SYT14: variants seen among roughly 807,000 people sequenced by gnomAD.
SYT14 encodes the protein synaptotagmin 14, also known as synaptotagmin-14.
In SYT14, 32 loss-of-function variants were observed where a neutral mutation model predicts 74.2. The observed-to-expected ratio is 0.43, with a 90% CI of 0.33 to 0.58. The LOEUF is 0.58. SYT14 is among the 20% of genes least tolerant of loss of function. SYT14 has a pLI of 0.05. For synonymous variants in SYT14, 298 were observed against 337.7 expected (o/e 0.88, Z 1.29); for missense variants, 791 against 981.8 (o/e 0.81, Z 2.60).
At chr1:210,118,807 G>A (rs1218095488) in intron 7 of SYT14, among the ~76,000 whole-genome samples, 1 of 152,160 alleles carries the variant, frequency 6.6e-6, no homozygotes, top group Non-Finnish European at 1.5e-5. Flanking sequence ...GTGGATGGAT[G>A]ATAATTAAAT....
rs578010741 is a variant in SYT14 at position 209,996,685 on chromosome 1, A to G, written c.-485-16948A>G. On this transcript the variant is annotated intron_variant, in intron 2 of 9. Transcript: ENST00000637265. The stretch of plus-strand genomic sequence containing the variant: ...AAAACTTCAGGCCAGTATCCTGAAC[A>G]TATTGATGAACATAGACACGAAAAT... 3.3e-5 allele frequency among the ~76,000 whole-genome samples: 5 copies of G among 152,040 alleles called. 1 individual carries two copies. The highest frequency in any genetic ancestry group is 2.0e-4 in the Admixed American group (3 of 15,254).
intron 2 of SYT14, among the ~76,000 whole-genome samples, chr1:209,982,311 G>A (rs981714653): frequency 6.6e-6 from 1 of 152,042 alleles, no homozygotes; most frequent in African/African-American, 2.4e-5. Context: ...ATGTGCCACC[G>A]TGGCTGGCTT....
exon 4 of SYT14, chr1:210,016,026 A>G (rs2080175619): frequency 8.1e-7 from 1 of 1,232,096 alleles, no homozygotes; most frequent in Non-Finnish European, 1.0e-6. Flanking sequence ...AGAAATTTCC[A>G]ACAGAATCTG....
chr1:209,986,408 A>G (rs1479697219), intron 2 of SYT14, among the ~76,000 whole-genome samples: 1 of 152,016 alleles, frequency 6.6e-6, no homozygotes, highest in Non-Finnish European at 1.5e-5. Flanking sequence ...GATCGAGACC[A>G]TCCTGGCTAA....
chr1:209,972,849 A>G (rs549889698), intron 2 of SYT14, among the ~76,000 whole-genome samples: 2 of 152,294 alleles, frequency 1.3e-5, no homozygotes, highest in African/African-American at 4.8e-5. Context: ...TATTCTGTAG[A>G]TGGTTATTAG....
intron 7 of SYT14, among the ~76,000 whole-genome samples, chr1:210,120,651 A>C (rs572708632): frequency 6.6e-6 from 1 of 152,280 alleles, no homozygotes; most frequent in South Asian, 2.1e-4. Flanking sequence ...CACAATGACA[A>C]AATTGCCAAA....
intron 2 of SYT14, among the ~76,000 whole-genome samples, chr1:209,974,210 G>A (rs1396917692): frequency 6.6e-6 from 1 of 152,072 alleles, no homozygotes; most frequent in African/African-American, 2.4e-5. Context: ...AAGCTTTTTA[G>A]TTTAGTTAGA....
chr1:210,096,613 T>G (rs1221008201), intron 6 of SYT14, among the ~76,000 whole-genome samples: 1 of 152,204 alleles, frequency 6.6e-6, no homozygotes, highest in Non-Finnish European at 1.5e-5. Flanking sequence ...GGACCAGAGT[T>G]GAAATTTGAA....
intron 7 of SYT14, among the ~76,000 whole-genome samples, chr1:210,102,746 A>G (rs977480937): frequency 2.0e-5 from 3 of 152,076 alleles, no homozygotes; most frequent in Admixed American, 1.3e-4. Context: ...TAGTAGTGCA[A>G]TCATGGCTGA....
intron 7 of SYT14, among the ~76,000 whole-genome samples, chr1:210,143,487 C>A (rs1049874225): frequency 6.6e-6 from 1 of 151,804 alleles, no homozygotes; most frequent in Non-Finnish European, 1.5e-5. Context: ...CATTTGCTCC[C>A]GTTTGTTTAT....
chr1:209,970,334 A>G (rs1261253308), intron 2 of SYT14, among the ~76,000 whole-genome samples: 1 of 151,854 alleles, frequency 6.6e-6, no homozygotes, highest in Non-Finnish European at 1.5e-5. Context: ...TCCCCAGTGT[A>G]TGTTTTTGTT....
At chr1:210,051,669 T>C (rs570288218) in intron 5 of SYT14, among the ~76,000 whole-genome samples, 1 of 152,308 alleles carries the variant, frequency 6.6e-6, no homozygotes, top group African/African-American at 2.4e-5. Context: ...TTTTTTCTTT[T>C]GCATTTTTCT....
chr1:210,009,727 C>T (rs2080051707), intron 2 of SYT14, among the ~76,000 whole-genome samples: 1 of 152,094 alleles, frequency 6.6e-6, no homozygotes, highest in Non-Finnish European at 1.5e-5. Context: ...TCATATTTCC[C>T]TCTGTGAAAT....
chr1:210,114,194 T>C (rs1250477940), intron 7 of SYT14, among the ~76,000 whole-genome samples: 2 of 151,394 alleles, frequency 1.3e-5, no homozygotes, highest in Non-Finnish European at 2.9e-5. Context: ...GTGGGGTCCC[T>C]CACAGATGGG....
intron 6 of SYT14, among the ~76,000 whole-genome samples, chr1:210,096,828 A>G (rs1044593404): frequency 9.2e-5 from 14 of 152,336 alleles, no homozygotes; most frequent in Admixed American, 4.6e-4. Context: ...TTCTATAGGT[A>G]ACACTCATTT....
chr1:209,997,941 T>C (rs1439610995), intron 2 of SYT14, among the ~76,000 whole-genome samples: 2 of 152,186 alleles, frequency 1.3e-5, no homozygotes, highest in Non-Finnish European at 2.9e-5. Flanking sequence ...GAAATTATTC[T>C]TGAAGATTTA....
chr1:209,985,657 T>A (rs1257555772), intron 2 of SYT14, among the ~76,000 whole-genome samples: 1 of 152,254 alleles, frequency 6.6e-6, no homozygotes, highest in Non-Finnish European at 1.5e-5. Context: ...ATTTTCCCTC[T>A]GCACTGCTCT....
At chr1:210,159,874 G>T (rs2083338896) in intron 9 of SYT14, among the ~76,000 whole-genome samples, 1 of 152,020 alleles carries the variant, frequency 6.6e-6, no homozygotes, top group South Asian at 2.1e-4. Context: ...GTCTTATAAA[G>T]AAAGGATTTG....
intron 5 of SYT14, among the ~76,000 whole-genome samples, chr1:210,079,349 T>C (rs745553778): frequency 2.0e-5 from 3 of 152,170 alleles, no homozygotes; most frequent in Non-Finnish European, 2.9e-5. Flanking sequence ...GTTACCGTTA[T>C]ATCCATGTGA....
Sources: gnomAD v4.1 joint callset for allele counts (sites outside exome capture counted in the v4.1 genomes callset) on GRCh38, gnomAD v4.1.1 for gene constraint, MANE v1.5 for transcripts, NCBI Gene and HGNC (gene_info 2026-07-23, HGNC 2026-07-21) for gene names.